ANKFY1: variants seen among roughly 807,000 people sequenced by gnomAD.
The protein encoded by ANKFY1 is ankyrin repeat and FYVE domain-containing protein 1.
A neutral mutation model predicts 128.3 loss-of-function variants in ANKFY1; 47 were observed. The ratio of observed to expected loss-of-function variants is 0.37; its 90% CI spans 0.29 to 0.47. ANKFY1 has a LOEUF of 0.47. ANKFY1 is among the 20% of genes least tolerant of loss of function. The probability of loss-of-function intolerance (pLI) is 1.00; values close to 1 mark genes in which losing one functional copy is unlikely to be tolerated. For missense variants in ANKFY1, 1,222 were observed against 1,510.6 expected (o/e 0.81, Z 3.17); for synonymous variants, 553 against 601.6 (o/e 0.92, Z 1.18).
chr17:4,184,932 T>C lies in ANKFY1; in HGVS notation c.1585A>G (p.Lys529Glu). 3.7e-6 allele frequency: 6 copies of C among 1,614,100 alleles called. No homozygotes were observed. Among genetic ancestry groups the C allele is most frequent in the Non-Finnish European group, 5.1e-6 (6 of 1,180,042 alleles). The change falls in exon 12 of 25, where the codon AAG becomes GAG. Residue 529 changes from lysine (K) to glutamate (E), a missense_variant. By Grantham distance (56) the Lys-to-Glu change is moderately conservative (BLOSUM62 1). Transcript: ENST00000341657. ...LQTEEALPLP[K>E]EAASLTSLAD... Reference sequence around the variant, plus strand: ...AAGCTGGTCAGGGATGCGGCCTCCTTTGGCAGAGGCAGAGCTTCCTCCGTC... The same window carrying C: ...AAGCTGGTCAGGGATGCGGCCTCCTCTGGCAGAGGCAGAGCTTCCTCCGTC...
At position 4,170,723 on chromosome 17, in the gene ANKFY1, C is replaced by T. The variant is rs2059301376; in HGVS notation, c.3278G>A (p.Arg1093Gln). The change falls in exon 23 of 25, where the codon CGA (arginine) becomes CAA (glutamine). Residue 1093 changes from arginine to glutamine, a missense_variant. By Grantham distance (43) the Arg-to-Gln change is conservative. Transcript: ENST00000341657. ...YQVATKQLLF[R>Q]LLDMLSKEPP... ...GAGAGCGGGCCACTCACCCAGCAGT[C>T]GGAACAGGAGCTGCTTGGTGGCGAC... is the stretch of plus-strand genomic sequence containing the variant. 17 of 1,609,628 alleles carry T rather than the reference C, an allele frequency of 1.1e-5. No homozygotes were observed. The highest frequency in any genetic ancestry group is 1.3e-5 in the African/African-American group (1 of 75,006).
chr17:4,261,511 G>A (rs933742629), intron 1 of ANKFY1, among the ~76,000 whole-genome samples: 1 of 152,218 alleles, frequency 6.6e-6, no homozygotes, highest in Non-Finnish European at 1.5e-5. Context: ...AAGAAAGACT[G>A]TGAAGTCAGA....
At chr17:4,204,267 C>G (rs2059984627) in intron 7 of ANKFY1, among the ~76,000 whole-genome samples, 1 of 152,210 alleles carries the variant, frequency 6.6e-6, no homozygotes, top group Non-Finnish European at 1.5e-5. Flanking sequence ...CCCTGGTAAT[C>G]ACTGCTGGGT....
At chr17:4,226,925 A>G (rs1186531752) in intron 3 of ANKFY1, among the ~76,000 whole-genome samples, 1 of 152,152 alleles carries the variant, frequency 6.6e-6, no homozygotes, top group Non-Finnish European at 1.5e-5. Context: ...TGCTACAGAC[A>G]TTAAAAGGAG....
At chr17:4,226,260 G>A (rs1211297521) in intron 3 of ANKFY1, among the ~76,000 whole-genome samples, 1 of 152,124 alleles carries the variant, frequency 6.6e-6, no homozygotes, top group East Asian at 1.9e-4. Context: ...AGTGGATATC[G>A]CCTGTGAATC....
intron 1 of ANKFY1, among the ~76,000 whole-genome samples, chr17:4,245,168 C>T (rs1177698695): frequency 6.6e-6 from 1 of 152,134 alleles, no homozygotes; most frequent in African/African-American, 2.4e-5. Flanking sequence ...ACGTGCTTCC[C>T]TGCATCCTTT....
At chr17:4,180,893 G>A (rs961078174) in intron 16 of ANKFY1, 5 of 193,856 alleles carry the variant, frequency 2.6e-5, no homozygotes, top group Admixed American at 5.4e-5. Flanking sequence ...CACAGAGCCT[G>A]TTACGACTCA....
At chr17:4,190,376 G>T (rs146466629) in intron 10 of ANKFY1, among the ~76,000 whole-genome samples, 3,908 of 152,164 alleles carry the variant, frequency 0.026, 83 homozygotes, top group Non-Finnish European at 0.04. Flanking sequence ...ACGAGGCAGA[G>T]GTTGCAGTGA....
At chr17:4,190,546 A>G (rs1160018785) in intron 10 of ANKFY1, among the ~76,000 whole-genome samples, 4 of 152,248 alleles carry the variant, frequency 2.6e-5, no homozygotes, top group Non-Finnish European at 5.9e-5. Flanking sequence ...GACCATTTTG[A>G]AAACATTTTA....
chr17:4,181,683 A>C lies in ANKFY1; in HGVS notation c.2122-311T>G, dbSNP rs2059519579. Among the ~76,000 whole-genome samples the C allele has an allele frequency of 6.6e-6, 1 of 152,228 alleles. No homozygotes were observed. Among genetic ancestry groups the C allele is most frequent in the South Asian group, 2.1e-4 (1 of 4,826 alleles). ...ACAGAAAGTGTCTGTGTACACATGC[A>C]CCAACGGGTCCTCAGTAACACACAC... On this transcript the variant is annotated intron_variant, in intron 15 of 24. Coordinates refer to ENST00000341657, the MANE Select transcript of ANKFY1 (RefSeq NM_001330063.2). The surrounding 1 kb of genome is among the most constrained non-coding windows in gnomAD (Gnocchi z 4.9).
At position 4,179,947 on chromosome 17, in the gene ANKFY1, T is replaced by C. The variant is rs9915922; in HGVS notation, c.2241-70A>G. On this transcript the variant is annotated intron_variant, in intron 16 of 24. Transcript: ENST00000341657. ...GGCGTATAGGCATGCTGATTACAAATGTAAAGCAGGAGCCTCATCCAATCC... is the reference window on the plus strand; with the variant it reads ...GGCGTATAGGCATGCTGATTACAAACGTAAAGCAGGAGCCTCATCCAATCC... 0.29 allele frequency: 452,890 copies of C among 1,579,046 alleles called. 67,147 individuals carry two copies. The highest frequency in any genetic ancestry group is 0.31 in the Non-Finnish European group (358,035 of 1,161,294).
chr17:4,241,721 T>C (rs1967235085), intron 2 of ANKFY1, among the ~76,000 whole-genome samples: 1 of 152,062 alleles, frequency 6.6e-6, no homozygotes, highest in Non-Finnish European at 1.5e-5. Context: ...GTAAGTCAAT[T>C]CCTGCTTGAT....
intron 1 of ANKFY1, among the ~76,000 whole-genome samples, chr17:4,247,897 T>G (rs1967635175): frequency 1.3e-5 from 2 of 152,172 alleles, no homozygotes; most frequent in South Asian, 4.1e-4. Flanking sequence ...TACAACCTGC[T>G]CTGCAGTAGG....
At position 4,222,938 on chromosome 17, in the gene ANKFY1, A is replaced by T. The variant is rs538280784; in HGVS notation, c.323-5820T>A. 3 of 1,252,180 alleles carry T rather than the reference A, an allele frequency of 2.4e-6. No homozygotes were observed. The East Asian group carries it at 7.0e-5, about 29-fold the overall frequency. 77.6% of individuals were successfully genotyped at this position (1,252,180 alleles called of 1,614,324 possible). A position where few individuals can be genotyped will look rare whatever the true frequency, so the allele number is the denominator to read the frequency against. On this transcript the variant is annotated intron_variant, in intron 3 of 24. Transcript: ENST00000341657. The stretch of plus-strand genomic sequence containing the variant: ...CCTCAGGTTATCCTACCTTGCGGAT[A>T]GAGAAGAACGACTTGAGAAGTGTCA...
At position 4,207,979 on chromosome 17, in the gene ANKFY1, T is replaced by A. The variant is rs2060056626; in HGVS notation, c.686A>T (p.Glu229Val). The A allele has an allele frequency of 6.2e-7, 1 of 1,610,532 alleles. No homozygotes were observed. Among genetic ancestry groups the A allele is most frequent in the East Asian group, 2.2e-5 (1 of 44,560 alleles). Reference sequence around the variant, plus strand: ...ATACAGGAAGACCACGTCTTCTCTCTCCACTTTGATGGCTTTATGTAGCGG... The same window carrying A: ...ATACAGGAAGACCACGTCTTCTCTCACCACTTTGATGGCTTTATGTAGCGG... ...EYPLHKAIKV[E>V]REDVVFLYLI... The change falls in exon 6 of 25, where the codon GAG becomes GTG. Residue 229 changes from glutamate (E) to valine (V), a missense_variant. Glu to Val is a moderately radical substitution (Grantham distance 121). Coordinates refer to ENST00000341657, the MANE Select transcript of ANKFY1 (RefSeq NM_001330063.2).
intron 3 of ANKFY1, among the ~76,000 whole-genome samples, chr17:4,235,113 TG>T (rs1966867961): frequency 6.6e-6 from 1 of 151,874 alleles, no homozygotes; most frequent in South Asian, 2.1e-4. Flanking sequence ...GAGGCTGAGG[TG>T]GGTGGACCAC....
chr17:4,187,466 A>G (rs1205180171), intron 11 of ANKFY1: 5 of 387,728 alleles, frequency 1.3e-5, no homozygotes, highest in African/African-American at 8.3e-5. Context: ...AAACCCTCCA[A>G]TGGCTCTTCT....
rs758106377 is a variant in ANKFY1 at position 4,174,071 on chromosome 17, T to C, written c.2776-15A>G. The stretch of plus-strand genomic sequence containing the variant: ...CCCGCAAGAAGCTGTTGAAGTTCAT[T>C]ACATGAACAGTCAGTCTCTCTGCCA... On this transcript the variant is annotated splice_polypyrimidine_tract_variant and intron_variant, in intron 19 of 24. Transcript: ENST00000341657. 2 of 1,612,724 alleles carry C rather than the reference T, an allele frequency of 1.2e-6. No homozygotes were observed. Among genetic ancestry groups the C allele is most frequent in the South Asian group, 1.1e-5 (1 of 90,944 alleles).
intron 12 of ANKFY1, among the ~76,000 whole-genome samples, chr17:4,184,586 C>T (rs2059577118): frequency 1.3e-5 from 2 of 152,188 alleles, no homozygotes; most frequent in African/African-American, 2.4e-5. Flanking sequence ...GACATTACTA[C>T]CAGCTTAACC....
Sources: allele counts gnomAD v4.1 joint callset (sites outside exome capture counted in the v4.1 genomes callset), GRCh38; gene constraint gnomAD v4.1.1; non-coding constraint Gnocchi (gnomAD v3.1); transcripts MANE v1.5; gene names NCBI Gene and HGNC (gene_info 2026-07-23, HGNC 2026-07-21).